Variants in BDP1 observed in about 807,000 individuals in gnomAD.
BDP1 encodes the protein transcription factor TFIIIB component B'' homolog.
In BDP1, 169 loss-of-function variants were observed where a neutral mutation model predicts 266.6. The observed-to-expected ratio is 0.63, with a 90% confidence interval of 0.56 to 0.72. The LOEUF (loss-of-function observed/expected upper bound fraction) is 0.72, where lower values mean the gene tolerates loss of function less well. Ranked by LOEUF, BDP1 falls within the 30% of genes least tolerant of loss-of-function variation. BDP1 has a pLI of 0.00. For missense variants in BDP1, 3,015 were observed against 3,053.8 expected (o/e 0.99, Z 0.30); for synonymous variants, 1,090 against 1,022.4 (o/e 1.07, Z -1.26).
rs561694135 is a variant in BDP1, at chr5:71,499,078, A to G, written c.1956+1652A>G. 2.6e-3 allele frequency among the ~76,000 whole-genome samples: 400 copies of G among 151,896 alleles called. 2 individuals are homozygous for G. Among genetic ancestry groups the G allele is most frequent in the African/African-American group, 8.2e-3 (341 of 41,420 alleles). ...TCTATAATTTTTAACCATAATGTGT[A>G]TAATGTTTAAAACCTTTTTCTTTTC... On this transcript the variant is annotated intron_variant, in intron 13 of 38. Transcript: ENST00000358731.
intron 22 of BDP1, among the ~76,000 whole-genome samples, chr5:71,518,881 T>C (rs961575783): frequency 6.7e-6 from 1 of 149,192 alleles, no homozygotes; most frequent in Non-Finnish European, 1.5e-5. Context: ...GTGCAGTGGC[T>C]TGATCGTGGC....
At chr5:71,549,044 G>T (rs928712671) in intron 33 of BDP1, among the ~76,000 whole-genome samples, 1 of 152,120 alleles carries the variant, frequency 6.6e-6, no homozygotes, top group Non-Finnish European at 1.5e-5. Flanking sequence ...TTCGAGACCA[G>T]CCTGGCCAAC....
chr5:71,563,739 C>CCCAT (rs1163401263), intron 38 of BDP1, among the ~76,000 whole-genome samples: 2 of 152,118 alleles, frequency 1.3e-5, no homozygotes, highest in African/African-American at 4.8e-5. Context: ...ATGGCAAAAC[C>CCCAT]CCATCTCTAC....
intron 2 of BDP1, among the ~76,000 whole-genome samples, chr5:71,459,090 A>C (rs2150342022): frequency 6.6e-6 from 1 of 152,358 alleles, no homozygotes; most frequent in East Asian, 1.9e-4. Flanking sequence ...GTTTTTGGTG[A>C]AGACCACAAA....
intron 25 of BDP1, among the ~76,000 whole-genome samples, chr5:71,527,014 A>G (rs1237555841): frequency 6.6e-6 from 1 of 151,544 alleles, no homozygotes; most frequent in Non-Finnish European, 1.5e-5. Context: ...TGTACACTTC[A>G]GTGGCATTAA....
chr5:71,490,888 T>G lies in BDP1; in HGVS notation c.1493-96T>G, dbSNP rs116620471. On this transcript the variant is annotated intron_variant, in intron 10 of 38. Coordinates refer to ENST00000358731, the MANE Select transcript of BDP1 (RefSeq NM_018429.3). ...AGGGACTTGAATGTTGCTTAAGGTT[T>G]TGTAGGAAAAGAGTGTTATAGGTAA... The G allele has an allele frequency of 0.028, 34,475 of 1,241,434 alleles. 618 individuals carry two copies. The highest frequency in any genetic ancestry group is 0.071 in the South Asian group (3,762 of 53,084). The allele number at this position is 1,241,434 out of a possible 1,614,324, so 76.9% of individuals were successfully genotyped here.
chr5:71,575,302 T>C, the BDP1 span, among the ~76,000 whole-genome samples: 1 of 152,232 alleles, frequency 6.6e-6, no homozygotes, highest in East Asian at 1.9e-4. Flanking sequence ...GGATTTCTGA[T>C]GGAGGTCATT....
intron 34 of BDP1, among the ~76,000 whole-genome samples, chr5:71,551,568 C>T (rs1236730046): frequency 6.6e-6 from 1 of 152,224 alleles, no homozygotes; most frequent in Non-Finnish European, 1.5e-5. Flanking sequence ...ACCTTTCCCC[C>T]TTTCTATTCC....
intron 7 of BDP1, chr5:71,475,869 A>C (rs984224802): frequency 1.3e-5 from 2 of 152,682 alleles, no homozygotes; most frequent in African/African-American, 4.8e-5. Flanking sequence ...CACTTCAATC[A>C]CTAAAGCCAG....
chr5:71,552,036 G>A (rs76210478), intron 34 of BDP1, among the ~76,000 whole-genome samples: 62,783 of 143,524 alleles, frequency 0.44, 14,650 homozygotes, highest in South Asian at 0.54. Context: ...GGTGGCTGCC[G>A]GGCGGAGACG....
intron 25 of BDP1, among the ~76,000 whole-genome samples, chr5:71,526,660 C>A (rs1298063140): frequency 3.2e-5 from 4 of 126,118 alleles, no homozygotes; most frequent in Admixed American, 2.4e-4. Context: ...ATACATGTAA[C>A]ATAAAATTTA....
At chr5:71,540,982 C>T (rs1766930255) in intron 28 of BDP1, among the ~76,000 whole-genome samples, 1 of 152,050 alleles carries the variant, frequency 6.6e-6, no homozygotes, top group African/African-American at 2.4e-5. Flanking sequence ...GGCTTGGAAC[C>T]ATGTATTTAT....
At chr5:71,483,580 CTTTATT>C (rs1221748927) in intron 7 of BDP1, among the ~76,000 whole-genome samples, 1 of 152,156 alleles carries the variant, frequency 6.6e-6, no homozygotes, top group African/African-American at 2.4e-5. Flanking sequence ...TGTTTGTTGA[CTTTATT>C]TTTTTCTGTC....
At position 71,566,718 on chromosome 5, in the gene BDP1, A is replaced by G. The variant is rs982517249; in HGVS notation, c.*1833A>G. On this transcript the variant is annotated 3_prime_UTR_variant, in exon 39 of 39. Transcript: ENST00000358731. ...TTTGACCCCCTACATTAGGCCCCAA[A>G]TTTTCTTACCCTGAGGTGCTGATAT... 4.6e-5 allele frequency: 7 copies of G among 152,132 alleles called. No individual in the cohort carries two copies. The highest frequency in any genetic ancestry group is 1.7e-4 in the African/African-American group (7 of 41,426). 9.4% of individuals were successfully genotyped at this position (152,132 alleles called of 1,614,324 possible).
At position 71,479,898 on chromosome 5, in the gene BDP1, T is replaced by C. The variant is rs183490488; in HGVS notation, c.1015-3944T>C. 3.1e-3 allele frequency among the ~76,000 whole-genome samples: 466 copies of C among 151,226 alleles called. 4 individuals carry two copies. The highest frequency in any genetic ancestry group is 0.01 in the African/African-American group (424 of 41,202). ...CATTTTCCTATCTTTTCTCATGTCA[T>C]GTGGGTTTTAAAAAATAATTAATTT... On this transcript the variant is annotated intron_variant, in intron 7 of 38. Transcript: ENST00000358731.
chr5:71,511,777 GT>G (rs1764936035), intron 17 of BDP1, among the ~76,000 whole-genome samples: 1 of 152,090 alleles, frequency 6.6e-6, no homozygotes, highest in African/African-American at 2.4e-5. Flanking sequence ...AAATGTCACT[GT>G]TCTTAATATC....
intron 12 of BDP1, among the ~76,000 whole-genome samples, chr5:71,495,728 G>T (rs553180934): frequency 6.6e-5 from 10 of 152,122 alleles, no homozygotes; most frequent in African/African-American, 2.4e-4. Flanking sequence ...ACTTTTACTT[G>T]GTTTGAGTTA....
At chr5:71,508,736 A>T (rs1378473517) in intron 16 of BDP1, among the ~76,000 whole-genome samples, 1 of 152,278 alleles carries the variant, frequency 6.6e-6, no homozygotes, top group East Asian at 1.9e-4. Context: ...TCATTCATTT[A>T]TATGTTTATT....
chr5:71,501,510 A>C (rs905666080), intron 13 of BDP1, 52 bp from the exon 14 acceptor site: 2 of 1,109,730 alleles, frequency 1.8e-6, no homozygotes, highest in African/African-American at 3.1e-5. Flanking sequence ...TTTATTACAA[A>C]GTTTGAACTG....
Sources: gnomAD v4.1 joint callset for allele counts (sites outside exome capture counted in the v4.1 genomes callset) on GRCh38, gnomAD v4.1.1 for gene constraint, MANE v1.5 for transcripts, NCBI Gene and HGNC (gene_info 2026-07-23, HGNC 2026-07-21) for gene names.